Variants in SNX29 observed in about 807,000 individuals in gnomAD.
SNX29 encodes sorting nexin 29.
In SNX29, 78 loss-of-function variants were observed where a neutral mutation model predicts 102.1. The observed-to-expected ratio is 0.76, with a 90% CI of 0.64 to 0.92. The LOEUF (loss-of-function observed/expected upper bound fraction) is 0.92. SNX29 is among the 40% of genes least tolerant of loss of function. The pLI, the probability that SNX29 is intolerant of heterozygous loss-of-function variation, is 0.00. For synonymous variants in SNX29, 580 were observed against 414.5 expected (o/e 1.40, Z -4.85); for missense variants, 1,280 against 1,061.7 (o/e 1.21, Z -2.86).
At chr16:12,563,503 G>C (rs2078847927) in intron 20 of SNX29, among the ~76,000 whole-genome samples, 1 of 152,172 alleles carries the variant, frequency 6.6e-6, no homozygotes, top group South Asian at 2.1e-4. Flanking sequence ...AAAACGGGGA[G>C]ACTCCTCCCC....
At chr16:12,542,244 C>G (rs367878665) in intron 20 of SNX29, among the ~76,000 whole-genome samples, 2 of 148,698 alleles carry the variant, frequency 1.3e-5, no homozygotes, top group African/African-American at 4.9e-5. Context: ...TAGTGTTATT[C>G]CCTTTATAGA....
chr16:12,248,919 A>C (rs2078341381), intron 14 of SNX29, among the ~76,000 whole-genome samples: 1 of 152,148 alleles, frequency 6.6e-6, no homozygotes, highest in South Asian at 2.1e-4. Context: ...AGTGTCCAGA[A>C]CAGTGAGTAG....
chr16:12,023,252 T>C (rs1474454916), intron 3 of SNX29, among the ~76,000 whole-genome samples: 1 of 151,910 alleles, frequency 6.6e-6, no homozygotes, highest in African/African-American at 2.4e-5. Flanking sequence ...GACCCACTTA[T>C]TTAAAATAAT....
At chr16:12,348,558 G>A (rs1253409599) in intron 15 of SNX29, among the ~76,000 whole-genome samples, 11 of 152,106 alleles carry the variant, frequency 7.2e-5, no homozygotes, top group Non-Finnish European at 1.0e-4. Context: ...ACATGTGTGT[G>A]TGTGTGACAG....
intron 3 of SNX29, among the ~76,000 whole-genome samples, chr16:12,005,445 T>C (rs563486529): frequency 6.6e-6 from 1 of 152,242 alleles, no homozygotes; most frequent in East Asian, 1.9e-4. Context: ...GACTCCCAGG[T>C]GATTCTGCTG....
At chr16:12,083,075 G>C (rs1025759027) in intron 11 of SNX29, among the ~76,000 whole-genome samples, 2 of 152,004 alleles carry the variant, frequency 1.3e-5, no homozygotes, top group Non-Finnish European at 2.9e-5. Flanking sequence ...AGGCCGAGGT[G>C]GGGGGAATCA....
chr16:12,538,382 G>T (rs553782467), intron 20 of SNX29, among the ~76,000 whole-genome samples: 6 of 152,236 alleles, frequency 3.9e-5, no homozygotes, highest in South Asian at 2.1e-4. Flanking sequence ...GAGCCACCGC[G>T]CCCGGCCTCC....
intron 15 of SNX29, among the ~76,000 whole-genome samples, chr16:12,313,077 G>A (rs552343017): frequency 3.6e-4 from 54 of 151,684 alleles, no homozygotes; most frequent in African/African-American, 1.2e-3. Context: ...TGAGTGGGGC[G>A]ATCTCGGCTT....
intron 11 of SNX29, among the ~76,000 whole-genome samples, chr16:12,116,589 A>G (rs1024432762): frequency 1.3e-5 from 2 of 152,162 alleles, no homozygotes; most frequent in African/African-American, 4.8e-5. Context: ...CATGAGAATC[A>G]CTTGAACCCG....
chr16:12,358,491 C>T (rs1185924791), intron 16 of SNX29, among the ~76,000 whole-genome samples: 1 of 152,180 alleles, frequency 6.6e-6, no homozygotes, highest in Non-Finnish European at 1.5e-5. Context: ...ATTGCTTGAA[C>T]CCAGGTCAGA....
intron 14 of SNX29, among the ~76,000 whole-genome samples, chr16:12,236,135 C>T (rs2077925272): frequency 6.6e-6 from 1 of 152,130 alleles, no homozygotes; most frequent in Non-Finnish European, 1.5e-5. Flanking sequence ...GATTTTATAT[C>T]TGTTTTCCCA....
chr16:12,041,371 C>T (rs1030658491), intron 4 of SNX29, among the ~76,000 whole-genome samples: 7 of 152,182 alleles, frequency 4.6e-5, no homozygotes, highest in East Asian at 3.8e-4. Context: ...ATCGGCCTCC[C>T]GGAGTGCTGA....
intron 15 of SNX29, among the ~76,000 whole-genome samples, chr16:12,284,706 C>A (rs2079538170): frequency 6.6e-6 from 1 of 151,676 alleles, no homozygotes; most frequent in African/African-American, 2.4e-5. Flanking sequence ...GCCAGAACTG[C>A]TTTGGTTTCG....
intron 18 of SNX29, among the ~76,000 whole-genome samples, chr16:12,472,529 C>CAAAAAAAAAAAAAAAAAAAAA (rs60223249): frequency 2.7e-5 from 2 of 72,924 alleles, no homozygotes; most frequent in African/African-American, 4.2e-5. Flanking sequence ...AAAAAAAAAC[C>CAAAAAAAAAAAAAAAAAAAAA]AAAAAAAAAA....
chr16:12,526,992 T>C, intron 20 of SNX29: 1 of 402,074 alleles, frequency 2.5e-6, no homozygotes, highest in South Asian at 2.6e-5. Context: ...TATGGACTTT[T>C]CAAAACGAGA....
chr16:12,019,726 T>C (rs1327318455), intron 3 of SNX29, among the ~76,000 whole-genome samples: 1 of 151,444 alleles, frequency 6.6e-6, no homozygotes, highest in African/African-American at 2.4e-5. Flanking sequence ...AACCTCTGCC[T>C]CCCGGGTTCA....
chr16:12,539,186 G>A (rs886434927), intron 20 of SNX29, among the ~76,000 whole-genome samples: 9 of 152,146 alleles, frequency 5.9e-5, no homozygotes, highest in African/African-American at 1.4e-4. Context: ...TTAAACACAT[G>A]CATAGATTTG....
intron 18 of SNX29, among the ~76,000 whole-genome samples, chr16:12,476,380 A>T (rs2087608074): frequency 3.0e-3 from 65 of 21,742 alleles, no homozygotes; most frequent in African/African-American, 0.013. Flanking sequence ...AAAAAAAAAA[A>T]AAAATATATA....
rs143734800 is a variant in SNX29 at position 12,477,976 on chromosome 16, G to A, written c.2178+117G>A. 4,432 of 1,238,056 alleles carry A rather than the reference G, an allele frequency of 3.6e-3. 22 individuals carry two copies. Among genetic ancestry groups the A allele is most frequent in the Middle Eastern group, 0.016 (81 of 5,082 alleles). The allele number at this position is 1,238,056 out of a possible 1,614,324, so 76.7% of individuals were successfully genotyped here. A position where few individuals can be genotyped will look rare whatever the true frequency, so the allele number is the denominator to read the frequency against. On this transcript the variant is annotated intron_variant, in intron 19 of 20. Coordinates refer to ENST00000566228, the MANE Select transcript of SNX29 (RefSeq NM_032167.5). Reference sequence around the variant, plus strand: ...TGCTCCTTAAAGAAAAGTTGGTGGAGATAAGAAAAAAATAGAGAAAAGAAA... The same window carrying A: ...TGCTCCTTAAAGAAAAGTTGGTGGAAATAAGAAAAAAATAGAGAAAAGAAA...
Sources: allele counts gnomAD v4.1 joint callset (sites outside exome capture counted in the v4.1 genomes callset), GRCh38; gene constraint gnomAD v4.1.1; transcripts MANE v1.5; gene names NCBI Gene and HGNC (gene_info 2026-07-23, HGNC 2026-07-21).